TENM2: variants seen among roughly 807,000 people sequenced by gnomAD.
TENM2 encodes the protein teneurin transmembrane protein 2.
A neutral mutation model predicts 245.2 loss-of-function variants in TENM2; 52 were observed. That is an observed-to-expected ratio of 0.21 (90% confidence interval 0.17 to 0.27). TENM2 has a LOEUF of 0.27. Ranked by LOEUF, TENM2 falls within the 10% of genes least tolerant of loss-of-function variation. The pLI, the probability that TENM2 is intolerant of heterozygous loss-of-function variation, is 1.00. For missense variants in TENM2, 3,046 were observed against 3,666.8 expected (o/e 0.83, Z 4.37); for synonymous variants, 1,363 against 1,438.9 (o/e 0.95, Z 1.19).
intron 2 of TENM2, among the ~76,000 whole-genome samples, chr5:167,427,466 G>A (rs183229511): frequency 5.0e-4 from 76 of 150,570 alleles, no homozygotes; most frequent in African/African-American, 1.7e-3. Context: ...AAAAAGAAAG[G>A]AAGGAAGGGA....
At chr5:167,193,549 T>C in the TENM2 span, among the ~76,000 whole-genome samples, 2 of 151,994 alleles carry the variant, frequency 1.3e-5, no homozygotes, top group Non-Finnish European at 2.9e-5. Context: ...GGCTTCTCTA[T>C]TTTTTACATA....
chr5:167,253,094 T>C, the TENM2 span, among the ~76,000 whole-genome samples: 1 of 151,856 alleles, frequency 6.6e-6, no homozygotes, highest in Non-Finnish European at 1.5e-5. Context: ...TCTTTTTTTA[T>C]TATTATTATT....
intron 1 of TENM2, among the ~76,000 whole-genome samples, chr5:167,322,143 T>C (rs1171876289): frequency 6.6e-6 from 1 of 152,068 alleles, no homozygotes; most frequent in South Asian, 2.1e-4. Context: ...CTGCATTGGC[T>C]TTTATGTCTT....
chr5:167,205,853 C>T, the TENM2 span, among the ~76,000 whole-genome samples: 2 of 152,098 alleles, frequency 1.3e-5, no homozygotes, highest in African/African-American at 2.4e-5. Context: ...AATTTAGTTC[C>T]TTGTGGTTGT....
At chr5:168,074,354 A>C (rs1441012287) in intron 7 of TENM2, among the ~76,000 whole-genome samples, 1 of 152,158 alleles carries the variant, frequency 6.6e-6, no homozygotes, top group Non-Finnish European at 1.5e-5. Flanking sequence ...TGCCAACCCC[A>C]GAGGGCCTTC....
the TENM2 span, among the ~76,000 whole-genome samples, chr5:167,130,545 G>A: frequency 9.9e-5 from 15 of 152,226 alleles, no homozygotes; most frequent in South Asian, 2.1e-4. Flanking sequence ...GCAAGTCCAC[G>A]CTCTCAAGCC....
chr5:167,730,016 T>C (rs766512532), intron 2 of TENM2, among the ~76,000 whole-genome samples: 20 of 152,190 alleles, frequency 1.3e-4, no homozygotes, highest in South Asian at 4.1e-4. Flanking sequence ...CTTGATAAGA[T>C]ATTGAGTATC....
At chr5:167,100,480 G>A in the TENM2 span, among the ~76,000 whole-genome samples, 1 of 152,102 alleles carries the variant, frequency 6.6e-6, no homozygotes. Context: ...TGTTATTGCT[G>A]CCAGACCACC....
chr5:168,078,899 T>A (rs979414437), intron 7 of TENM2, among the ~76,000 whole-genome samples: 8 of 152,284 alleles, frequency 5.3e-5, no homozygotes, highest in African/African-American at 1.9e-4. Flanking sequence ...TTTAGGATTG[T>A]CTTGGCAATG....
At chr5:168,019,351 T>G (rs552991701) in intron 5 of TENM2, among the ~76,000 whole-genome samples, 1 of 152,022 alleles carries the variant, frequency 6.6e-6, no homozygotes, top group Non-Finnish European at 1.5e-5. Context: ...CCATGCAGAA[T>G]GAAGTGATGG....
At chr5:167,250,858 T>C in the TENM2 span, among the ~76,000 whole-genome samples, 1 of 152,174 alleles carries the variant, frequency 6.6e-6, no homozygotes, top group Non-Finnish European at 1.5e-5. Context: ...AGTATGGCCA[T>C]GGATGTAAAT....
At chr5:167,175,083 GGC>G in the TENM2 span, among the ~76,000 whole-genome samples, 2 of 151,984 alleles carry the variant, frequency 1.3e-5, no homozygotes, top group Non-Finnish European at 2.9e-5. Context: ...TCCATTTACA[GGC>G]ATTGACGTCG....
intron 2 of TENM2, among the ~76,000 whole-genome samples, chr5:167,571,234 A>G (rs556969618): frequency 6.6e-6 from 1 of 152,328 alleles, no homozygotes; most frequent in South Asian, 2.1e-4. Flanking sequence ...ATGACAACCC[A>G]TGAAGCAGGT....
chr5:168,261,717 G>A (rs1004171663), intron 28 of TENM2, among the ~76,000 whole-genome samples: 10 of 152,186 alleles, frequency 6.6e-5, no homozygotes, highest in Admixed American at 2.0e-4. Context: ...GGCACTTCCC[G>A]AGTGGTGGCA....
chr5:167,294,943 ACGTCTTTGGTGAAGCTTCCTG>A (rs1754862543), intron 1 of TENM2, among the ~76,000 whole-genome samples: 1 of 152,108 alleles, frequency 6.6e-6, no homozygotes. Flanking sequence ...CCTGTGGTTC[ACGTCTTTGGTGAAGCTTCCTG>A]CCCTCTGAAT....
In TENM2 at chr5:167,628,429, C is replaced by A. The variant is rs182812121; in HGVS notation, c.503-247557C>A. 4.6e-5 allele frequency among the ~76,000 whole-genome samples: 7 copies of A among 152,288 alleles called. No individual in the cohort carries two copies. In the East Asian group the frequency reaches 9.7e-4, roughly 21 times the overall value. ...CACATTTTCAACATTCGGTTCCATT[C>A]TCTTCCCTCGTGGTATTATGCTTTG... On this transcript the variant is annotated intron_variant, in intron 2 of 28. Transcript: ENST00000518659.
chr5:167,312,338 A>C (rs2127756107), intron 1 of TENM2, among the ~76,000 whole-genome samples: 1 of 152,298 alleles, frequency 6.6e-6, no homozygotes, highest in Non-Finnish European at 1.5e-5. Context: ...TAGAACAATA[A>C]ATACAATGCT....
In TENM2 at chr5:167,731,159, C is replaced by G. The variant is rs189837933; in HGVS notation, c.503-144827C>G. 2.0e-3 allele frequency among the ~76,000 whole-genome samples: 302 copies of G among 151,828 alleles called. 2 individuals carry two copies. Among genetic ancestry groups the G allele is most frequent in the African/African-American group, 7.1e-3 (295 of 41,370 alleles). On this transcript the variant is annotated intron_variant, in intron 2 of 28. Coordinates refer to ENST00000518659, the Ensembl canonical transcript of TENM2. Reference sequence around the variant, plus strand: ...TTATATTAAAACACCAGATAAAAACCCCATGCCAGTTGACTAAAATGAGTT... The same window carrying G: ...TTATATTAAAACACCAGATAAAAACGCCATGCCAGTTGACTAAAATGAGTT...
At chr5:167,629,733 T>G (rs1778741031) in intron 2 of TENM2, among the ~76,000 whole-genome samples, 1 of 152,244 alleles carries the variant, frequency 6.6e-6, no homozygotes, top group African/African-American at 2.4e-5. Context: ...GAGAGTCAAC[T>G]ACATTAAAGT....
Sources: gnomAD v4.1 joint callset for allele counts (sites outside exome capture counted in the v4.1 genomes callset) on GRCh38, gnomAD v4.1.1 for gene constraint, MANE v1.5 for transcripts, NCBI Gene and HGNC (gene_info 2026-07-23, HGNC 2026-07-21) for gene names.